The following CCNY variants were observed in gnomAD, a reference collection of about 807,000 sequenced individuals.
CCNY encodes cyclin Y, also known as cyclin-Y.
Under a neutral mutation model 42.8 loss-of-function variants are expected in CCNY, and 19 were observed. That is an observed-to-expected ratio of 0.44 (90% confidence interval 0.31 to 0.65). The LOEUF (loss-of-function observed/expected upper bound fraction) is 0.65. CCNY is among the 30% of genes least tolerant of loss of function. The pLI is 0.07. For missense variants in CCNY, 370 were observed against 437.3 expected (o/e 0.85, Z 1.37); for synonymous variants, 165 against 162.7 (o/e 1.01, Z -0.11).
chr10:35,311,922 G>T (rs1835689241), intron 3 of CCNY, among the ~76,000 whole-genome samples: 1 of 151,948 alleles, frequency 6.6e-6, no homozygotes, highest in South Asian at 2.1e-4. Flanking sequence ...GGAGTTTGTG[G>T]CCACAGTGAG....
chr10:35,268,480 C>T (rs564351739), intron 3 of CCNY, among the ~76,000 whole-genome samples: 7 of 152,186 alleles, frequency 4.6e-5, no homozygotes, highest in Non-Finnish European at 8.8e-5. Flanking sequence ...TATACCACAG[C>T]TCTTACAGGT....
At chr10:35,444,582 T>A (rs897338151) in intron 1 of CCNY, among the ~76,000 whole-genome samples, 1 of 152,210 alleles carries the variant, frequency 6.6e-6, no homozygotes, top group African/African-American at 2.4e-5. Flanking sequence ...TAGGTTTGTT[T>A]ACACCAGCAT....
chr10:35,380,757 C>T (rs998718021), intron 1 of CCNY, among the ~76,000 whole-genome samples: 2 of 152,152 alleles, frequency 1.3e-5, no homozygotes, highest in African/African-American at 2.4e-5. Flanking sequence ...CGCAGCCAGC[C>T]GCCTGTGACT....
chr10:35,379,937 G>A (rs899196067), intron 1 of CCNY, among the ~76,000 whole-genome samples: 12 of 152,154 alleles, frequency 7.9e-5, no homozygotes, highest in Admixed American at 3.9e-4. Context: ...AGGAATTTTA[G>A]TACTCATCAG....
intron 1 of CCNY, among the ~76,000 whole-genome samples, chr10:35,455,825 TAA>T (rs766510525): frequency 0.74 from 74,078 of 99,468 alleles, 26,756 homozygotes; most frequent in South Asian, 0.88. Flanking sequence ...TTTTTTTTTT[TAA>T]AAAAAGAAAA....
intron 3 of CCNY, among the ~76,000 whole-genome samples, chr10:35,317,509 T>C (rs1835774471): frequency 6.6e-6 from 1 of 152,238 alleles, no homozygotes; most frequent in South Asian, 2.1e-4. Flanking sequence ...ATTTAAACTT[T>C]GACTTATGCC....
intron 7 of CCNY, among the ~76,000 whole-genome samples, chr10:35,540,695 G>A (rs538871076): frequency 4.6e-5 from 7 of 152,020 alleles, no homozygotes; most frequent in African/African-American, 7.2e-5. Flanking sequence ...CAGTCTCTTC[G>A]CTTGTTTCTT....
rs568941553 is a variant in CCNY, at chr10:35,323,144, G to T, written c.-9+72518G>T. On this transcript the variant is annotated intron_variant, in intron 3 of 11. Coordinates refer to the CCNY transcript ENST00000374706. ...GGGTTTCGTCATGTTGGCCAGGCTG[G>T]TCTCGAACTCCTGACCTCAGGTGAT... 5.9e-5 allele frequency among the ~76,000 whole-genome samples: 9 copies of T among 152,196 alleles called. No individual in the cohort carries two copies. The East Asian group carries it at 1.7e-3, about 29-fold the overall frequency.
intron 3 of CCNY, among the ~76,000 whole-genome samples, chr10:35,513,567 G>A (rs2135404554): frequency 6.6e-6 from 1 of 152,288 alleles, no homozygotes; most frequent in South Asian, 2.1e-4. Context: ...CCTGCTCAAG[G>A]TGCTTTACAA....
At chr10:35,356,518 G>T (rs1259034067) in intron 1 of CCNY, among the ~76,000 whole-genome samples, 1 of 152,162 alleles carries the variant, frequency 6.6e-6, no homozygotes, top group African/African-American at 2.4e-5. Context: ...GTGGCAACGG[G>T]AAGCGTGCTT....
At chr10:35,251,992 T>G (rs2095712350) in intron 3 of CCNY, among the ~76,000 whole-genome samples, 1 of 152,134 alleles carries the variant, frequency 6.6e-6, no homozygotes, top group Non-Finnish European at 1.5e-5. Context: ...TAGTAAATAT[T>G]TATAGGCTTT....
intron 3 of CCNY, among the ~76,000 whole-genome samples, chr10:35,281,350 G>A (rs551983567): frequency 6.6e-6 from 1 of 152,112 alleles, no homozygotes; most frequent in East Asian, 1.9e-4. Context: ...CCAGGGTGGA[G>A]TGCAGTGGTG....
intron 3 of CCNY, among the ~76,000 whole-genome samples, chr10:35,297,168 A>G (rs572800238): frequency 6.3e-4 from 96 of 152,184 alleles, no homozygotes; most frequent in Non-Finnish European, 1.2e-3. Flanking sequence ...AAAAGAAAAA[A>G]TATATACAAA....
intron 1 of CCNY, among the ~76,000 whole-genome samples, chr10:35,378,700 G>A (rs937560708): frequency 6.6e-6 from 1 of 152,112 alleles, no homozygotes; most frequent in East Asian, 1.9e-4. Context: ...CTTGCAGAGT[G>A]CTGTTCCACA....
At chr10:35,333,679 AT>A (rs1309285560), upstream of CCNY, among the ~76,000 whole-genome samples, 3 of 152,188 alleles carry the variant, frequency 2.0e-5, no homozygotes, top group Admixed American at 2.0e-4. Context: ...GTATAACTTA[AT>A]CAGATTTAGA....
At position 35,530,925 on chromosome 10, in the gene CCNY, C is replaced by G. The variant is rs1305238989; in HGVS notation, c.579+682C>G. Among the ~76,000 whole-genome samples, 2 of 152,072 alleles carry G rather than the reference C, an allele frequency of 1.3e-5. No homozygotes were observed. The highest frequency in any genetic ancestry group is 2.9e-5 in the Non-Finnish European group (2 of 68,024). On this transcript the variant is annotated intron_variant, in intron 7 of 9. Coordinates refer to ENST00000374704, the MANE Select transcript of CCNY (RefSeq NM_145012.6). This position sits in a 1 kb window ranked among gnomAD's most constrained non-coding sequence, Gnocchi z 4.3. ...CGACTCTACAAAATTTAAAAGTCAG[C>G]TGGCCATGGTGGCACGTACCTGTGG...
intron 1 of CCNY, among the ~76,000 whole-genome samples, chr10:35,365,072 T>G: frequency 6.6e-6 from 1 of 152,236 alleles, no homozygotes; most frequent in Non-Finnish European, 1.5e-5. Flanking sequence ...CAAGTGCAAG[T>G]GAAAGATTTC....
intron 2 of CCNY, among the ~76,000 whole-genome samples, chr10:35,492,658 G>A (rs1328792474): frequency 6.6e-6 from 1 of 152,212 alleles, no homozygotes; most frequent in Non-Finnish European, 1.5e-5. Context: ...CGCAGTCTCT[G>A]CAGTGGCTAG....
intron 1 of CCNY, among the ~76,000 whole-genome samples, chr10:35,424,986 C>T (rs771526240): frequency 1.3e-5 from 2 of 152,160 alleles, no homozygotes; most frequent in African/African-American, 4.8e-5. Context: ...GAACCTGCTC[C>T]CACCCCGGTA....
Sources: allele counts gnomAD v4.1 joint callset (sites outside exome capture counted in the v4.1 genomes callset), GRCh38; gene constraint gnomAD v4.1.1; non-coding constraint Gnocchi (gnomAD v3.1); transcripts MANE v1.5; gene names NCBI Gene and HGNC (gene_info 2026-07-23, HGNC 2026-07-21).